INSC: variants seen among roughly 807,000 people sequenced by gnomAD.
INSC encodes protein inscuteable homolog.
In INSC, 67 loss-of-function variants were observed where a neutral mutation model predicts 58.6. That is an observed-to-expected ratio of 1.14 (90% CI 0.94 to 1.40). The LOEUF (loss-of-function observed/expected upper bound fraction) is 1.40. INSC is among the 40% of genes most tolerant of loss of function. INSC has a pLI of 0.00. For missense variants in INSC, 714 were observed against 692.0 expected (o/e 1.03, Z -0.36); for synonymous variants, 262 against 276.1 (o/e 0.95, Z 0.51).
chr11:15,112,277 G>C, upstream of INSC: 1 of 476,300 alleles, frequency 2.1e-6, no homozygotes, highest in Non-Finnish European at 3.7e-6. Context: ...CAGAGGGGAG[G>C]GGGTCGAGGG....
At chr11:15,225,881 G>A in intron 9 of INSC, 53 bp downstream of exon 9, 1 of 1,551,840 alleles carries the variant, frequency 6.4e-7, no homozygotes, top group Non-Finnish European at 8.7e-7. Context: ...GGAGACAGAA[G>A]TTAGGAGGCC....
At chr11:15,218,300 C>A (rs1851299550) in intron 7 of INSC, among the ~76,000 whole-genome samples, 1 of 152,068 alleles carries the variant, frequency 6.6e-6, no homozygotes. Context: ...AGCATTATAC[C>A]ATTTATGTCA....
the INSC span, among the ~76,000 whole-genome samples, chr11:15,255,092 A>C: frequency 4.9e-4 from 74 of 152,346 alleles, no homozygotes; most frequent in East Asian, 0.014. Context: ...GCCTAAGATC[A>C]TATAATAGAA....
chr11:15,248,662 G>A (rs1046895940), downstream of INSC, among the ~76,000 whole-genome samples: 3 of 152,154 alleles, frequency 2.0e-5, no homozygotes, highest in Non-Finnish European at 2.9e-5. Flanking sequence ...CAGGCTAGTT[G>A]GTCGCTAATA....
the INSC span, among the ~76,000 whole-genome samples, chr11:15,268,479 GT>G: frequency 2.0e-5 from 3 of 152,044 alleles, no homozygotes; most frequent in Admixed American, 2.0e-4. Context: ...ATCATTAACT[GT>G]TTTCATGCTG....
chr11:15,196,127 A>G (rs1850360380), intron 6 of INSC, among the ~76,000 whole-genome samples: 1 of 152,166 alleles, frequency 6.6e-6, no homozygotes. Context: ...AAGATTTCAA[A>G]TAATCCTTTG....
chr11:15,232,187 C>T (rs552578894), intron 9 of INSC, among the ~76,000 whole-genome samples: 1 of 152,194 alleles, frequency 6.6e-6, no homozygotes, highest in Non-Finnish European at 1.5e-5. Context: ...TTGACTTGCT[C>T]TGGGACAGGC....
At chr11:15,190,141 C>G (rs909511118) in intron 5 of INSC, among the ~76,000 whole-genome samples, 1 of 152,142 alleles carries the variant, frequency 6.6e-6, no homozygotes, top group Non-Finnish European at 1.5e-5. Context: ...TTGGCCTTAC[C>G]CCACAAGCAG....
intron 1 of INSC, among the ~76,000 whole-genome samples, chr11:15,115,725 A>G (rs1427926676): frequency 6.6e-6 from 1 of 152,160 alleles, no homozygotes; most frequent in Non-Finnish European, 1.5e-5. Context: ...CCACGCTTAC[A>G]TGCTCAGCAT....
intron 1 of INSC, among the ~76,000 whole-genome samples, chr11:15,128,761 G>A (rs1043076176): frequency 2.0e-5 from 3 of 152,214 alleles, no homozygotes; most frequent in Non-Finnish European, 4.4e-5. Context: ...CAGAGGTGAG[G>A]GGGTAGGCTG....
chr11:15,181,084 T>A (rs1293266739), intron 5 of INSC, among the ~76,000 whole-genome samples: 1 of 152,218 alleles, frequency 6.6e-6, no homozygotes, highest in Non-Finnish European at 1.5e-5. Flanking sequence ...TTTCTTTACA[T>A]CAAAATTTGT....
chr11:15,154,331 C>T (rs961347703), intron 2 of INSC, among the ~76,000 whole-genome samples: 3 of 152,140 alleles, frequency 2.0e-5, no homozygotes, highest in Non-Finnish European at 2.9e-5. Flanking sequence ...GTGTTTTATT[C>T]TCTAAGACAC....
intron 5 of INSC, among the ~76,000 whole-genome samples, chr11:15,187,056 GGGGA>G (rs1849995647): frequency 6.6e-6 from 1 of 152,136 alleles, no homozygotes; most frequent in Non-Finnish European, 1.5e-5. Flanking sequence ...GTGCCATGGA[GGGGA>G]TGGCTGGAAG....
In INSC at chr11:15,207,110, C is replaced by T. The variant is rs560163284; in HGVS notation, c.819+6161C>T. Among the ~76,000 whole-genome samples the T allele has an allele frequency of 1.9e-4, 29 of 152,106 alleles. No individual in the cohort carries two copies. The South Asian group carries it at 5.2e-3, about 27-fold the overall frequency. On this transcript the variant is annotated intron_variant, in intron 7 of 12. Coordinates refer to ENST00000379556, the MANE Select transcript of INSC (RefSeq NM_001042536.3). The stretch of plus-strand genomic sequence containing the variant: ...GGGGCTGGAGACTAGAGCTGGACTG[C>T]GGACTATGGTCCAGATGAGGGGCTG...
intron 1 of INSC, among the ~76,000 whole-genome samples, chr11:15,125,404 AT>A (rs1847969590): frequency 1.3e-5 from 2 of 152,208 alleles, no homozygotes; most frequent in South Asian, 2.1e-4. Context: ...ACATTGAAAA[AT>A]TTCGAAGAGA....
At chr11:15,118,001 C>A (rs1847774197) in intron 1 of INSC, among the ~76,000 whole-genome samples, 1 of 152,170 alleles carries the variant, frequency 6.6e-6, no homozygotes, top group Non-Finnish European at 1.5e-5. Context: ...GGAGTTTGAC[C>A]CTTGCCCTAA....
intron 8 of INSC, among the ~76,000 whole-genome samples, chr11:15,223,715 G>C (rs531595504): frequency 6.6e-6 from 1 of 152,334 alleles, no homozygotes; most frequent in East Asian, 1.9e-4. Context: ...TGGATATAGG[G>C]AGGTGGCCTG....
At chr11:15,224,358 G>T (rs965708344) in intron 8 of INSC, among the ~76,000 whole-genome samples, 1 of 152,130 alleles carries the variant, frequency 6.6e-6, no homozygotes, top group African/African-American at 2.4e-5. Context: ...GTAGAAAAAG[G>T]GTTTTACTAC....
intron 2 of INSC, among the ~76,000 whole-genome samples, chr11:15,153,089 C>T (rs1848702568): frequency 6.6e-6 from 1 of 152,184 alleles, no homozygotes; most frequent in Non-Finnish European, 1.5e-5. Context: ...GGCCATCTGC[C>T]TTGTATGGTG....
Sources: allele counts gnomAD v4.1 joint callset (sites outside exome capture counted in the v4.1 genomes callset), GRCh38; gene constraint gnomAD v4.1.1; transcripts MANE v1.5; gene names NCBI Gene and HGNC (gene_info 2026-07-23, HGNC 2026-07-21).